DCC: variants seen among roughly 807,000 people sequenced by gnomAD.
DCC encodes netrin receptor DCC.
DCC carries 58 observed loss-of-function variants against 172.5 expected under a neutral mutation model. That is an observed-to-expected ratio of 0.34 (90% confidence interval 0.27 to 0.42). The LOEUF (loss-of-function observed/expected upper bound fraction) is 0.42, where lower values mean the gene tolerates loss of function less well. Ranked by LOEUF, DCC falls within the 10% of genes least tolerant of loss-of-function variation. DCC has a pLI of 1.00. For synonymous variants in DCC, 709 were observed against 644.5 expected (o/e 1.10, Z -1.52); for missense variants, 1,740 against 1,791.0 (o/e 0.97, Z 0.51).
At chr18:52,348,856 C>T (rs149372324) in intron 1 of DCC, among the ~76,000 whole-genome samples, 1 of 152,200 alleles carries the variant, frequency 6.6e-6, no homozygotes, top group Non-Finnish European at 1.5e-5. Flanking sequence ...TTGTTGATTA[C>T]CCTGAGCAAG....
chr18:52,351,209 A>G (rs1984105535), intron 1 of DCC, among the ~76,000 whole-genome samples: 1 of 152,190 alleles, frequency 6.6e-6, no homozygotes, highest in African/African-American at 2.4e-5. Context: ...AGGAAAAATC[A>G]TGAATTCCAA....
chr18:52,887,334 T>G (rs2039584855), intron 2 of DCC, among the ~76,000 whole-genome samples: 1 of 152,102 alleles, frequency 6.6e-6, no homozygotes, highest in South Asian at 2.1e-4. Flanking sequence ...ATCATCAACA[T>G]GTATTTGCAG....
intron 27 of DCC, among the ~76,000 whole-genome samples, chr18:53,505,669 G>A (rs1348784196): frequency 3.9e-5 from 6 of 152,160 alleles, no homozygotes; most frequent in Non-Finnish European, 7.4e-5. Context: ...ATAATCGTAA[G>A]AGAAAGTGAA....
At chr18:52,715,377 G>C (rs1007065233) in intron 1 of DCC, among the ~76,000 whole-genome samples, 2 of 149,316 alleles carry the variant, frequency 1.3e-5, no homozygotes, top group Admixed American at 1.3e-4. Flanking sequence ...TCAGCTCACT[G>C]CAACCTCCAC....
intron 3 of DCC, among the ~76,000 whole-genome samples, chr18:52,916,942 C>T (rs970084137): frequency 8.6e-5 from 13 of 151,306 alleles, no homozygotes; most frequent in East Asian, 5.8e-4. Context: ...TTGTTTTGGC[C>T]GACATAGGTG....
intron 12 of DCC, among the ~76,000 whole-genome samples, chr18:53,265,583 T>C: frequency 6.6e-6 from 1 of 152,232 alleles, no homozygotes; most frequent in Non-Finnish European, 1.5e-5. Flanking sequence ...CTAATCAAGT[T>C]TGACCTGTTT....
At chr18:53,019,766 G>A (rs1348000311) in intron 5 of DCC, among the ~76,000 whole-genome samples, 1 of 151,892 alleles carries the variant, frequency 6.6e-6, no homozygotes, top group African/African-American at 2.4e-5. Flanking sequence ...TTACAGCTAG[G>A]GTCATTTGTT....
chr18:52,877,467 G>T (rs1222114312), intron 2 of DCC, among the ~76,000 whole-genome samples: 1 of 152,138 alleles, frequency 6.6e-6, no homozygotes, highest in Non-Finnish European at 1.5e-5. Context: ...CTAGCACTTT[G>T]GGAGGCTGAG....
At chr18:52,874,241 C>T (rs923638548) in intron 2 of DCC, among the ~76,000 whole-genome samples, 1 of 152,118 alleles carries the variant, frequency 6.6e-6, no homozygotes, top group Non-Finnish European at 1.5e-5. Flanking sequence ...TTAACCAAAT[C>T]TTATAAGCCA....
chr18:52,942,953 A>G (rs533425049), intron 5 of DCC, among the ~76,000 whole-genome samples: 2 of 152,178 alleles, frequency 1.3e-5, no homozygotes, highest in African/African-American at 2.4e-5. Flanking sequence ...CTATATTACA[A>G]AGTTGTATGA....
chr18:52,993,858 A>ACTCT (rs147460567), intron 5 of DCC, among the ~76,000 whole-genome samples: 2 of 148,308 alleles, frequency 1.3e-5, no homozygotes, highest in African/African-American at 4.9e-5. Context: ...CATACTCTCC[A>ACTCT]CTCTCTCTCT....
intron 9 of DCC, among the ~76,000 whole-genome samples, chr18:53,180,546 T>G (rs2055178454): frequency 6.6e-6 from 1 of 152,268 alleles, no homozygotes; most frequent in Admixed American, 6.5e-5. Flanking sequence ...TTGCTGCCTA[T>G]GAGCTGGTCC....
intron 1 of DCC, among the ~76,000 whole-genome samples, chr18:52,536,306 T>C (rs756323369): frequency 6.6e-6 from 1 of 152,084 alleles, no homozygotes; most frequent in Non-Finnish European, 1.5e-5. Flanking sequence ...ACCACAGACA[T>C]GGAGAAAAGA....
intron 2 of DCC, among the ~76,000 whole-genome samples, chr18:52,753,345 T>A (rs1407181577): frequency 6.6e-6 from 1 of 152,208 alleles, no homozygotes; most frequent in Non-Finnish European, 1.5e-5. Context: ...AAAACAGTCA[T>A]AGGACCTCAA....
intron 12 of DCC, among the ~76,000 whole-genome samples, chr18:53,269,742 T>C (rs998735538): frequency 2.6e-5 from 4 of 152,082 alleles, no homozygotes; most frequent in Non-Finnish European, 5.9e-5. Flanking sequence ...TAAGGAACAG[T>C]CCCAAAGTGC....
chr18:52,343,220 T>C (rs1983734003), intron 1 of DCC, among the ~76,000 whole-genome samples: 1 of 152,210 alleles, frequency 6.6e-6, no homozygotes, highest in Non-Finnish European at 1.5e-5. Context: ...TTAGTAATAA[T>C]TTCCCCTGTT....
intron 1 of DCC, among the ~76,000 whole-genome samples, chr18:52,727,838 T>C (rs2036575133): frequency 6.6e-6 from 1 of 152,190 alleles, no homozygotes. Context: ...ATGTTTGGAT[T>C]ATGGTTTTTA....
intron 1 of DCC, among the ~76,000 whole-genome samples, chr18:52,751,103 C>A (rs986005556): frequency 6.6e-6 from 1 of 152,028 alleles, no homozygotes; most frequent in African/African-American, 2.4e-5. Context: ...AACAAGATAC[C>A]GAGGGACATT....
chr18:52,440,507 C>T (rs907353896), intron 1 of DCC, among the ~76,000 whole-genome samples: 1 of 152,210 alleles, frequency 6.6e-6, no homozygotes, highest in Non-Finnish European at 1.5e-5. Context: ...GGTGCAACTT[C>T]TTCTGCTCAG....
Sources: gnomAD v4.1 joint callset for allele counts (sites outside exome capture counted in the v4.1 genomes callset) on GRCh38, gnomAD v4.1.1 for gene constraint, MANE v1.5 for transcripts, NCBI Gene and HGNC (gene_info 2026-07-23, HGNC 2026-07-21) for gene names.